PKD1L1: variants seen among roughly 807,000 people sequenced by gnomAD.
PKD1L1 encodes the protein polycystin-1-like protein 1.
A neutral mutation model predicts 323.4 loss-of-function variants in PKD1L1; 236 were observed. The ratio of observed to expected loss-of-function variants is 0.73; its 90% confidence interval spans 0.66 to 0.81. The LOEUF (loss-of-function observed/expected upper bound fraction) is 0.81, where lower values mean the gene tolerates loss of function less well. Ranked by LOEUF, PKD1L1 falls within the 40% of genes least tolerant of loss-of-function variation. The pLI is 0.00. For missense variants in PKD1L1, 3,320 were observed against 3,508.0 expected (o/e 0.95, Z 1.35); for synonymous variants, 1,344 against 1,335.0 (o/e 1.01, Z -0.15).
chr7:47,921,706 A>C (rs1224594760), intron 7 of PKD1L1, among the ~76,000 whole-genome samples: 1 of 152,192 alleles, frequency 6.6e-6, no homozygotes, highest in African/African-American at 2.4e-5. Flanking sequence ...GATACTACTC[A>C]GCTATAAGAA....
chr7:47,776,986 G>A (rs1786582468), intron 56 of PKD1L1, among the ~76,000 whole-genome samples: 1 of 152,128 alleles, frequency 6.6e-6, no homozygotes, highest in African/African-American at 2.4e-5. Context: ...CCGCCTCCCA[G>A]GTTCAATCAA....
At chr7:47,860,819 C>T (rs1786006894) in intron 26 of PKD1L1, among the ~76,000 whole-genome samples, 1 of 149,216 alleles carries the variant, frequency 6.7e-6, no homozygotes, top group South Asian at 2.2e-4. Flanking sequence ...ACAAGAGGGA[C>T]AATGGCAGGA....
At chr7:47,889,570 C>A (rs1401063075) in intron 16 of PKD1L1, among the ~76,000 whole-genome samples, 1 of 152,104 alleles carries the variant, frequency 6.6e-6, no homozygotes, top group African/African-American at 2.4e-5. Flanking sequence ...TGGCTCTAAT[C>A]TTGAAACCCT....
chr7:47,890,488 C>G, intron 16 of PKD1L1, 54 bp downstream of exon 16: 5 of 1,557,516 alleles, frequency 3.2e-6, no homozygotes, highest in Non-Finnish European at 4.4e-6. Context: ...ATGCTAGCAC[C>G]AGGTGGGAAC....
At chr7:47,905,085 C>A in intron 11 of PKD1L1, 72 bp downstream of exon 11, 1 of 1,506,902 alleles carries the variant, frequency 6.6e-7, no homozygotes, top group Admixed American at 2.1e-5. Flanking sequence ...TCGGTAGCAG[C>A]ATGGTGATCT....
Position 47,897,989 on chromosome 7 carries a change from T to C in PKD1L1, c.2270A>G (p.Lys757Arg), listed in dbSNP as rs1469786226. 1.2e-6 allele frequency: 2 copies of C among 1,602,140 alleles called. No homozygotes were observed. The change falls in exon 14 of 57, where the codon AAG (lysine) becomes AGG (arginine). Residue 757 changes from lysine (K) to arginine (R), a missense_variant and splice_region_variant. Transcript: ENST00000289672. ...AGAGCAGTAAGTCAGCCAGCTGACC[T>C]TGGCAAGGGCAGTGTAGTTCCCATA... ...LEYGNYTALAKVQIEGSVVYS... is the reference protein window; with the variant it reads ...LEYGNYTALARVQIEGSVVYS...
At chr7:47,834,161 T>A (rs1215847147) in intron 40 of PKD1L1, among the ~76,000 whole-genome samples, 178 bp downstream of exon 40, 1 of 152,112 alleles carries the variant, frequency 6.6e-6, no homozygotes, top group Non-Finnish European at 1.5e-5. Context: ...GACCTCCCTC[T>A]AGGGAGGACG....
intron 26 of PKD1L1, 118 bp downstream of exon 26, chr7:47,865,098 C>T (rs1786134102): frequency 1.4e-6 from 1 of 738,616 alleles, no homozygotes; most frequent in Admixed American, 2.9e-5. Flanking sequence ...AAGGGAAAAT[C>T]ACATTTCTAA....
At chr7:47,779,830 A>T (rs1786650116) in intron 56 of PKD1L1, among the ~76,000 whole-genome samples, 1 of 152,216 alleles carries the variant, frequency 6.6e-6, no homozygotes, top group Admixed American at 6.5e-5. Flanking sequence ...CATCTATAAA[A>T]GACACTTGGG....
rs530644271 is a variant in PKD1L1 at position 47,787,892 on chromosome 7, G to T, written c.8526+4735C>A. 1.6e-3 allele frequency among the ~76,000 whole-genome samples: 248 copies of T among 152,074 alleles called. 1 individual carries two copies. The highest frequency in any genetic ancestry group is 5.5e-3 in the African/African-American group (228 of 41,518). ...ACACCTGGCTAATTTTGTATTTTTT[G>T]TACAGACAAGATCTCATCATGTTGC... On this transcript the variant is annotated intron_variant, in intron 56 of 56. Transcript: ENST00000289672.
chr7:47,890,495 G>T, intron 16 of PKD1L1, 47 bp downstream of exon 16: 2 of 1,580,998 alleles, frequency 1.3e-6, no homozygotes, highest in South Asian at 1.1e-5. Flanking sequence ...CACCAGGTGG[G>T]AACAAACACC....
At position 47,908,159 on chromosome 7, in the gene PKD1L1, C is replaced by T. The variant is rs755196397; in HGVS notation, c.1320G>A (p.Glu440=). ...LGPYYVEIGH[E]AVSAFMNSSS... ...TGGAGTTCATGAACGCAGACACGGC[C>T]TCATGGCCAATCTCCACATAATAAG... is the stretch of plus-strand genomic sequence containing the variant. The change falls in exon 9 of 57, where the codon GAG becomes GAA. Residue 440 remains glutamate (E), a synonymous_variant. Coordinates refer to ENST00000289672, the MANE Select transcript of PKD1L1 (RefSeq NM_138295.5). The T allele has an allele frequency of 1.9e-6, 3 of 1,614,232 alleles. No individual in the cohort carries two copies. Among genetic ancestry groups the T allele is most frequent in the Middle Eastern group, 1.6e-4 (1 of 6,062 alleles).
chr7:47,834,170 C>T (rs969927227), intron 40 of PKD1L1, among the ~76,000 whole-genome samples, 169 bp downstream of exon 40: 8 of 152,176 alleles, frequency 5.3e-5, no homozygotes, highest in Non-Finnish European at 1.0e-4. Flanking sequence ...CTAGGGAGGA[C>T]GGCCCCCAGC....
intron 44 of PKD1L1, among the ~76,000 whole-genome samples, chr7:47,827,691 C>CA (rs1284501088): frequency 2.0e-5 from 3 of 152,092 alleles, no homozygotes; most frequent in Non-Finnish European, 4.4e-5. Flanking sequence ...ATGTCCCAGG[C>CA]AAGTTTTTTT....
intron 33 of PKD1L1, 118 bp from the exon 34 acceptor site, chr7:47,843,287 C>A (rs1481041795): frequency 2.6e-6 from 2 of 757,344 alleles, no homozygotes; most frequent in Non-Finnish European, 4.2e-6. Flanking sequence ...TTCACTGATA[C>A]ATTTTTACAC....
chr7:47,792,303 T>C (rs575110461), intron 56 of PKD1L1, among the ~76,000 whole-genome samples: 6 of 149,648 alleles, frequency 4.0e-5, no homozygotes, highest in Non-Finnish European at 9.0e-5. Context: ...TTCTGGGCCA[T>C]AGATTTCTGG....
intron 19 of PKD1L1, 95 bp from the exon 20 acceptor site, chr7:47,882,180 G>A (rs1266688670): frequency 7.9e-7 from 1 of 1,268,330 alleles, no homozygotes; most frequent in Non-Finnish European, 1.1e-6. Context: ...ATAACTATTT[G>A]TACTATTGCT....
chr7:47,830,734 T>A (rs1583603071), intron 42 of PKD1L1, among the ~76,000 whole-genome samples: 1 of 151,992 alleles, frequency 6.6e-6, no homozygotes, highest in South Asian at 2.1e-4. Context: ...GACCCTGGGG[T>A]CTCCGATGGC....
In PKD1L1 at chr7:47,839,644, G is replaced by A; in HGVS notation, c.5571C>T (p.Gly1857=). ...TFILSAPAQL[G]LLRKIRLWHD... Reference sequence around the variant, plus strand: ...GCCAGAGGCGGATCTTCCTCAGCAGGCCCAGTTGGGCAGGAGCGCTGGAGG... The same window carrying A: ...GCCAGAGGCGGATCTTCCTCAGCAGACCCAGTTGGGCAGGAGCGCTGGAGG... Residue 1857 remains glycine, a synonymous_variant, in exon 36 of 57, where the codon GGC becomes GGT. Transcript: ENST00000289672. This position sits in a 1 kb window ranked among gnomAD's most constrained non-coding sequence, Gnocchi z 4.3. 4 of 1,570,820 alleles carry A rather than the reference G, an allele frequency of 2.5e-6. No homozygotes were observed. Among genetic ancestry groups the A allele is most frequent in the Non-Finnish European group, 3.5e-6 (4 of 1,157,594 alleles).
Sources: allele counts gnomAD v4.1 joint callset (sites outside exome capture counted in the v4.1 genomes callset), GRCh38; gene constraint gnomAD v4.1.1; non-coding constraint Gnocchi (gnomAD v3.1); transcripts MANE v1.5; gene names NCBI Gene and HGNC (gene_info 2026-07-23, HGNC 2026-07-21).